Variants in SUCLA2 observed in about 807,000 individuals in gnomAD.
The protein encoded by SUCLA2 is succinate--CoA ligase [ADP-forming] subunit beta, mitochondrial.
A neutral mutation model predicts 54.8 loss-of-function variants in SUCLA2; 30 were observed. The observed-to-expected ratio is 0.55, with a 90% CI of 0.41 to 0.74. SUCLA2 has a LOEUF of 0.74. Among genes scored for constraint, SUCLA2 ranks in the 30% least tolerant of loss-of-function variants. The pLI is 0.00. For synonymous variants in SUCLA2, 172 were observed against 188.9 expected (o/e 0.91, Z 0.74); for missense variants, 476 against 562.9 (o/e 0.85, Z 1.56).
chr13:47,970,413 C>G (rs922168914), intron 5 of SUCLA2, among the ~76,000 whole-genome samples: 1 of 152,138 alleles, frequency 6.6e-6, no homozygotes, highest in Non-Finnish European at 1.5e-5. Context: ...TTTTCTTCCT[C>G]ATCTAAATTT....
intron 6 of SUCLA2, among the ~76,000 whole-genome samples, chr13:47,958,508 C>A (rs1214399504): frequency 1.3e-5 from 2 of 152,172 alleles, no homozygotes; most frequent in African/African-American, 4.8e-5. Context: ...CTTTACTAAA[C>A]AAGCTAGCTT....
At chr13:47,955,984 T>A (rs1949817514) in intron 6 of SUCLA2, among the ~76,000 whole-genome samples, 3 of 152,252 alleles carry the variant, frequency 2.0e-5, no homozygotes, top group African/African-American at 7.2e-5. Flanking sequence ...GATAACAGAA[T>A]TCAGTCTTTA....
At chr13:48,001,061 C>A in intron 1 of SUCLA2, 119 bp downstream of exon 1, 1 of 1,521,006 alleles carries the variant, frequency 6.6e-7, no homozygotes, top group Non-Finnish European at 8.9e-7. Flanking sequence ...GAGGGCCTTG[C>A]AGGGCACCCA....
chr13:47,945,563 G>T (rs1430821898), intron 10 of SUCLA2, among the ~76,000 whole-genome samples: 2 of 150,984 alleles, frequency 1.3e-5, no homozygotes, highest in Admixed American at 1.3e-4. Flanking sequence ...TATCTACTAT[G>T]AAGTGTTCTC....
intron 4 of SUCLA2, among the ~76,000 whole-genome samples, chr13:47,974,047 C>G (rs1949989075): frequency 6.6e-6 from 1 of 151,332 alleles, no homozygotes. Flanking sequence ...TGTAACAAAC[C>G]TGCACTTTCT....
chr13:47,950,315 C>T (rs1377892648), intron 8 of SUCLA2, among the ~76,000 whole-genome samples: 1 of 152,158 alleles, frequency 6.6e-6, no homozygotes, highest in Non-Finnish European at 1.5e-5. Flanking sequence ...GGGGATCCAC[C>T]ATCTCGCAGC....
At position 47,997,161 on chromosome 13, in the gene SUCLA2, C is replaced by T; in HGVS notation, c.91-138G>A. 3.4e-6 allele frequency: 3 copies of T among 881,098 alleles called. No homozygotes were observed. In the South Asian group the frequency reaches 4.4e-5, roughly 13 times the overall value. The allele number at this position is 881,098 out of a possible 1,614,324, so 54.6% of individuals were successfully genotyped here. Reference sequence around the variant, plus strand: ...AATATTCAGAGTACCTGAATTACAGCATAAAACTAAAAGCTAGCCTATCAG... The same window carrying T: ...AATATTCAGAGTACCTGAATTACAGTATAAAACTAAAAGCTAGCCTATCAG... On this transcript the variant is annotated intron_variant, in intron 1 of 10. Transcript: ENST00000646932.
At chr13:47,974,703 A>C (rs1326136) in intron 4 of SUCLA2, among the ~76,000 whole-genome samples, 110,878 of 152,128 alleles carry the variant, frequency 0.73, 41,367 homozygotes, top group Non-Finnish European at 0.81. Context: ...AATTATTAAC[A>C]TTTAAGGCCT....
At chr13:47,966,496 T>C (rs1232995118) in intron 6 of SUCLA2, among the ~76,000 whole-genome samples, 4 of 143,578 alleles carry the variant, frequency 2.8e-5, no homozygotes, top group East Asian at 4.1e-4. Flanking sequence ...TTAAGTTAGA[T>C]AGGCTGGTGC....
chr13:47,980,218 C>T (rs1401177174), intron 4 of SUCLA2, among the ~76,000 whole-genome samples: 1 of 152,064 alleles, frequency 6.6e-6, no homozygotes, highest in African/African-American at 2.4e-5. Context: ...AGATCGAGAC[C>T]ATCCTGGCTA....
At chr13:47,977,662 G>T (rs894461530) in intron 4 of SUCLA2, among the ~76,000 whole-genome samples, 3 of 151,914 alleles carry the variant, frequency 2.0e-5, no homozygotes, top group Non-Finnish European at 2.9e-5. Context: ...ACAGAATGAA[G>T]GACAAAAACC....
At chr13:47,980,580 A>G (rs1443641167) in intron 4 of SUCLA2, among the ~76,000 whole-genome samples, 2 of 152,002 alleles carry the variant, frequency 1.3e-5, no homozygotes, top group Admixed American at 6.5e-5. Context: ...TTTTTTTTAT[A>G]AAAATAGAAA....
chr13:47,980,333 T>C (rs759129320), intron 4 of SUCLA2, among the ~76,000 whole-genome samples: 1 of 152,018 alleles, frequency 6.6e-6, no homozygotes, highest in Non-Finnish European at 1.5e-5. Flanking sequence ...GAGAATGGTG[T>C]GAACCCGGGA....
chr13:47,989,824 G>A (rs892897731), intron 2 of SUCLA2, among the ~76,000 whole-genome samples: 1 of 152,078 alleles, frequency 6.6e-6, no homozygotes, highest in African/African-American at 2.4e-5. Flanking sequence ...ATACATTATT[G>A]AGCAGTACTG....
chr13:47,996,014 C>G (rs1442606383), intron 2 of SUCLA2, among the ~76,000 whole-genome samples: 3 of 151,970 alleles, frequency 2.0e-5, no homozygotes, highest in African/African-American at 7.3e-5. Flanking sequence ...TGGGATATAT[C>G]AGTGAACAAA....
At chr13:47,976,651 C>T (rs1950016077) in intron 4 of SUCLA2, among the ~76,000 whole-genome samples, 1 of 152,146 alleles carries the variant, frequency 6.6e-6, no homozygotes, top group African/African-American at 2.4e-5. Context: ...AGAAAACACA[C>T]CCAGCTCCTG....
intron 4 of SUCLA2, among the ~76,000 whole-genome samples, chr13:47,983,592 C>T (rs1388920738): frequency 6.6e-6 from 1 of 151,352 alleles, no homozygotes; most frequent in Admixed American, 6.6e-5. Flanking sequence ...CGGGTTCACG[C>T]CATTCTCCTG....
In SUCLA2 at chr13:47,994,778, G is replaced by A. The variant is rs145133298; in HGVS notation, c.271+2065C>T. 5.8e-3 allele frequency: 5,592 copies of A among 965,416 alleles called. 26 individuals carry two copies. The highest frequency in any genetic ancestry group is 6.3e-3 in the Non-Finnish European group (5,150 of 811,858). 59.8% of individuals were successfully genotyped at this position (965,416 alleles called of 1,614,324 possible). ...ATGAACAAGGTATCTGTTCCAAGGG[G>A]CTCAAAATCAGAGCTGCCTACCTGC... On this transcript the variant is annotated intron_variant, in intron 2 of 10. Transcript: ENST00000646932.
chr13:47,969,831 G>C (rs1949948357), intron 5 of SUCLA2, among the ~76,000 whole-genome samples: 1 of 152,200 alleles, frequency 6.6e-6, no homozygotes, highest in Non-Finnish European at 1.5e-5. Flanking sequence ...GCTGGGCGCA[G>C]TGGCTCAAGT....
Sources: gnomAD v4.1 joint callset for allele counts (sites outside exome capture counted in the v4.1 genomes callset) on GRCh38, gnomAD v4.1.1 for gene constraint, MANE v1.5 for transcripts, NCBI Gene and HGNC (gene_info 2026-07-23, HGNC 2026-07-21) for gene names.